PRDX6: variants seen among roughly 807,000 people sequenced by gnomAD.
PRDX6 encodes the protein peroxiredoxin-6.
A neutral mutation model predicts 20.0 loss-of-function variants in PRDX6; 13 were observed. The ratio of observed to expected loss-of-function variants is 0.65; its 90% CI spans 0.42 to 1.03. The LOEUF (loss-of-function observed/expected upper bound fraction) is 1.03, where lower values mean the gene tolerates loss of function less well. Among genes scored for constraint, PRDX6 ranks in the 50% least tolerant of loss-of-function variants. The pLI is 0.00. For synonymous variants in PRDX6, 85 were observed against 100.8 expected, an observed-to-expected ratio of 0.84 and a Z score of 0.94; for missense variants, 203 against 276.9, an observed-to-expected ratio of 0.73 and a Z score of 1.89.
intron 2 of PRDX6, 96 bp from the exon 3 acceptor site, chr1:173,485,265 C>A: frequency 8.2e-7 from 1 of 1,226,858 alleles, no homozygotes; most frequent in Non-Finnish European, 1.1e-6. Flanking sequence ...TGATTTGGTC[C>A]TCTTTCCTGT....
At chr1:173,487,119 C>G (rs537074205) in intron 4 of PRDX6, among the ~76,000 whole-genome samples, 94 of 152,204 alleles carry the variant, frequency 6.2e-4, no homozygotes, top group Admixed American at 2.2e-3. Flanking sequence ...TGGAGACAAA[C>G]AGTAAACAAG....
intron 1 of PRDX6, among the ~76,000 whole-genome samples, chr1:173,478,360 ACT>A (rs1011366774): frequency 2.6e-5 from 4 of 151,452 alleles, no homozygotes; most frequent in Middle Eastern, 3.4e-3. Flanking sequence ...CAACTTTGAG[ACT>A]CTCTTGTTTT....
Position 173,477,475 on chromosome 1 carries a change from C to T in PRDX6, c.78C>T (p.His26=), listed in dbSNP as rs757661278. The part of the protein sequence containing the change: ...ANTTVGRIRF[H]DFLGDSWGIL... ...CCACCGTCGGCCGCATCCGTTTCCA[C>T]GACTTTCTGGGAGACTCGTAAGTGG... The change falls in exon 1 of 5, where the codon CAC becomes CAT. Residue 26 remains histidine, a synonymous_variant. Transcript: ENST00000340385. The T allele has an allele frequency of 6.2e-7, 1 of 1,605,476 alleles. No homozygotes were observed. The highest frequency in any genetic ancestry group is 1.1e-5 in the South Asian group (1 of 90,070).
At chr1:173,486,572 C>G (rs1267399586) in intron 4 of PRDX6, among the ~76,000 whole-genome samples, 171 bp downstream of exon 4, 1 of 152,186 alleles carries the variant, frequency 6.6e-6, no homozygotes, top group Admixed American at 6.5e-5. Flanking sequence ...GTCTTTATAA[C>G]ACCTTTTATA....
At chr1:173,483,199 G>C (rs1189430686) in intron 2 of PRDX6, among the ~76,000 whole-genome samples, 1 of 152,106 alleles carries the variant, frequency 6.6e-6, no homozygotes, top group Non-Finnish European at 1.5e-5. Flanking sequence ...CGCATACTCA[G>C]GTTTATTTTA....
Position 173,487,742 on chromosome 1 carries a change from A to C in PRDX6, c.554A>C (p.Asp185Ala). The change falls in exon 5 of 5, where the codon GAT becomes GCT. Residue 185 changes from aspartate (D) to alanine (A), a missense_variant. Transcript: ENST00000340385. ...CTCAATGTCTTTCAATAGGATGGGG[A>C]TAGTGTGATGGTCCTTCCAACCATC... ...VATPVDWKDG[D>A]SVMVLPTIPE... 1 of 1,614,150 alleles carries C rather than the reference A, an allele frequency of 6.2e-7. No homozygotes were observed. Among genetic ancestry groups the C allele is most frequent in the Non-Finnish European group, 8.5e-7 (1 of 1,179,996 alleles).
At chr1:173,486,466 T>C in intron 4 of PRDX6, 65 bp downstream of exon 4, 2 of 1,513,436 alleles carry the variant, frequency 1.3e-6, no homozygotes, top group Non-Finnish European at 1.8e-6. Flanking sequence ...AATGGCCAAC[T>C]TCAAGGTCTG....
At chr1:173,485,289 G>A (rs1214084810) in intron 2 of PRDX6, 72 bp from the exon 3 acceptor site, 3 of 1,398,656 alleles carry the variant, frequency 2.1e-6, no homozygotes, top group East Asian at 4.9e-5. Flanking sequence ...GCAAGGTGAT[G>A]GCTGTTAACT....
Position 173,488,015 on chromosome 1 carries a change from AG to A in PRDX6, c.*153del, listed in dbSNP as rs1190954360. ...CTTATTAAATGAAAATGGCACTAAA[AG>A]TTTCTTGAGATTCTTTATACTCTCT... On this transcript the variant is annotated 3_prime_UTR_variant, in exon 5 of 5. Transcript: ENST00000340385. 1 of 858,426 alleles carries A rather than the reference AG, an allele frequency of 1.2e-6. No homozygotes were observed. Among genetic ancestry groups the A allele is most frequent in the Non-Finnish European group, 1.8e-6 (1 of 571,342 alleles). The allele number at this position is 858,426 out of a possible 1,614,324, so 53.2% of individuals were successfully genotyped here. A position where few individuals can be genotyped will look rare whatever the true frequency, so the allele number is the denominator to read the frequency against.
intron 2 of PRDX6, chr1:173,481,766 TC>T (rs1658805393): frequency 1.8e-5 from 6 of 342,426 alleles, no homozygotes; most frequent in Non-Finnish European, 2.2e-5. Context: ...TTCTAGCTGT[TC>T]CTGCTCACTG....
rs182462620 is a variant in PRDX6 at position 173,481,166 on chromosome 1, A to G, written c.96-160A>G. 343 of 689,768 alleles carry G rather than the reference A, an allele frequency of 5.0e-4. 1 individual carries two copies. Among genetic ancestry groups the G allele is most frequent in the South Asian group, 6.2e-4 (31 of 50,132 alleles). 42.7% of individuals were successfully genotyped at this position (689,768 alleles called of 1,614,324 possible). A position where few individuals can be genotyped will look rare whatever the true frequency, so the allele number is the denominator to read the frequency against. On this transcript the variant is annotated intron_variant, in intron 1 of 4. Transcript: ENST00000340385. Reference sequence around the variant, plus strand: ...GGCTTCTCTGGAGGTAAGTAGATTGAAAAGCACTCCTCAACAGAAAAGCTT... The same window carrying G: ...GGCTTCTCTGGAGGTAAGTAGATTGGAAAGCACTCCTCAACAGAAAAGCTT...
chr1:173,484,137 ATTAG>A (rs1658853033), intron 2 of PRDX6, among the ~76,000 whole-genome samples: 1 of 100,368 alleles, frequency 1.0e-5, no homozygotes, highest in African/African-American at 5.3e-5. Context: ...AAAAAAAAAA[ATTAG>A]ATATATATAT....
chr1:173,478,039 T>C (rs1658733318), intron 1 of PRDX6, among the ~76,000 whole-genome samples: 1 of 152,122 alleles, frequency 6.6e-6, no homozygotes, highest in Admixed American at 6.5e-5. Flanking sequence ...TGGCTATAGG[T>C]TACAGGAAGG....
At chr1:173,482,553 G>A (rs1486397208) in intron 2 of PRDX6, among the ~76,000 whole-genome samples, 2 of 152,204 alleles carry the variant, frequency 1.3e-5, no homozygotes, top group Non-Finnish European at 2.9e-5. Context: ...AAATTTGGTG[G>A]TCTGAATTTA....
In PRDX6 at chr1:173,488,741, CA is replaced by C. The variant is rs1238527004; in HGVS notation, c.*879del. On this transcript the variant is annotated 3_prime_UTR_variant, in exon 5 of 5. Coordinates refer to ENST00000340385, the MANE Select transcript of PRDX6 (RefSeq NM_004905.3). ...ATGTTTTAGTATAGAACTCTTCTTG[CA>C]GTGGGTTGCTATTTTCTAGATTTTA... The C allele has an allele frequency of 7.9e-5, 12 of 152,276 alleles. No individual in the cohort carries two copies. Among genetic ancestry groups the C allele is most frequent in the African/African-American group, 2.2e-4 (9 of 41,560 alleles). 9.4% of individuals were successfully genotyped at this position (152,276 alleles called of 1,614,324 possible).
intron 4 of PRDX6, among the ~76,000 whole-genome samples, 174 bp downstream of exon 4, chr1:173,486,575 C>G (rs1658903092): frequency 6.6e-6 from 1 of 152,078 alleles, no homozygotes. Context: ...TTTATAACAC[C>G]TTTTATACAC....
rs554546047 is a variant in PRDX6, at chr1:173,482,940, A to C, written c.252+1458A>C. Among the ~76,000 whole-genome samples the C allele has an allele frequency of 1.7e-3, 259 of 152,342 alleles. 1 individual carries two copies. The highest frequency in any genetic ancestry group is 5.4e-3 in the African/African-American group (225 of 41,582). The stretch of plus-strand genomic sequence containing the variant: ...GGAGGGACTTGCCCAAGACTGCCCA[A>C]TGGCAATGAGATTTCAACCTCAAAT... On this transcript the variant is annotated intron_variant, in intron 2 of 4. Transcript: ENST00000340385.
intron 1 of PRDX6, among the ~76,000 whole-genome samples, chr1:173,477,774 G>A (rs1040931824): frequency 1.3e-5 from 2 of 152,262 alleles, no homozygotes; most frequent in Non-Finnish European, 1.5e-5. Context: ...GCCAAGGTGG[G>A]GGGTGGGGAG....
At chr1:173,483,700 G>A (rs558455231) in intron 2 of PRDX6, among the ~76,000 whole-genome samples, 2 of 152,216 alleles carry the variant, frequency 1.3e-5, no homozygotes, top group African/African-American at 2.4e-5. Flanking sequence ...CACAATAGAC[G>A]TTATTCCAAT....
Sources: gnomAD v4.1 joint callset for allele counts (sites outside exome capture counted in the v4.1 genomes callset) on GRCh38, gnomAD v4.1.1 for gene constraint, MANE v1.5 for transcripts, NCBI Gene and HGNC (gene_info 2026-07-23, HGNC 2026-07-21) for gene names.